The following LRRC42 variants were observed in gnomAD, a reference collection of about 807,000 sequenced individuals.
The protein encoded by LRRC42 is leucine rich repeat containing 42.
A neutral mutation model predicts 44.3 loss-of-function variants in LRRC42; 43 were observed. The observed-to-expected ratio is 0.97, with a 90% CI of 0.76 to 1.25. The LOEUF (loss-of-function observed/expected upper bound fraction) is 1.25, where lower values mean the gene tolerates loss of function less well. Ranked by LOEUF, LRRC42 falls within the 50% of genes most tolerant of loss-of-function variation. The pLI, the probability that LRRC42 is intolerant of heterozygous loss-of-function variation, is 0.00. For synonymous variants in LRRC42, 207 were observed against 195.2 expected, an observed-to-expected ratio of 1.06 and a Z score of -0.50; for missense variants, 540 against 509.1, an observed-to-expected ratio of 1.06 and a Z score of -0.58.
intron 2 of LRRC42, among the ~76,000 whole-genome samples, chr1:53,948,431 G>T (rs1654586184): frequency 6.6e-6 from 1 of 152,198 alleles, no homozygotes. Context: ...ATGTAATACA[G>T]CTGTGTTTCA....
At chr1:53,966,869 A>G (rs1362189714) in intron 8 of LRRC42, among the ~76,000 whole-genome samples, 2 of 152,052 alleles carry the variant, frequency 1.3e-5, no homozygotes, top group African/African-American at 4.8e-5. Context: ...GTTCTTGTAT[A>G]AGGTACCTAG....
intron 2 of LRRC42, 131 bp from the exon 3 acceptor site, chr1:53,951,855 G>A: frequency 1.4e-6 from 1 of 717,868 alleles, no homozygotes; most frequent in Non-Finnish European, 2.2e-6. Flanking sequence ...CAACTGGTGA[G>A]TTTTGCTTTT....
At position 53,967,699 on chromosome 1, in the gene LRRC42, G is replaced by GTGTC; in HGVS notation, c.1048_1051dup (p.Pro351LeufsTer18). 6.2e-7 allele frequency: 1 copy of GTGTC among 1,614,128 alleles called. No homozygotes were observed. Among genetic ancestry groups the GTGTC allele is most frequent in the Non-Finnish European group, 8.5e-7 (1 of 1,180,028 alleles). The stretch of plus-strand genomic sequence containing the variant: ...GGTCTCGAGCAGAAGCCCCACTGAA[G>GTGTC]TGTCCCCTGGCAGACACCCACATGA... On this transcript the variant is annotated frameshift_variant, in exon 9 of 9. Transcript: ENST00000371370. LOFTEE classifies it high-confidence loss of function.
chr1:53,967,871 T>C lies in LRRC42; in HGVS notation c.1219T>C (p.Ser407Pro), dbSNP rs1254963575. ...GTCAGAGACAGAACAGAATAACTCT[T>C]CACAACCTTCAAAGCAGAAATATGT... ...EESETEQNNS[S>P]QPSKQKYVCL... is the part of the protein sequence containing the mutation. The change falls in exon 9 of 9, where the codon TCA (serine) becomes CCA (proline). Residue 407 changes from serine to proline, a missense_variant. Transcript: ENST00000371370. The C allele has an allele frequency of 6.2e-7, 1 of 1,614,170 alleles. No individual in the cohort carries two copies. The highest frequency in any genetic ancestry group is 1.1e-5 in the South Asian group (1 of 91,076).
chr1:53,952,344 T>G lies in LRRC42; in HGVS notation c.345T>G (p.Ala115=), dbSNP rs146430406. ...DSLIGFPEQI[A]EKLFSAAEAR... is the part of the protein sequence containing the mutation. ...TTATTGGCTTTCCTGAGCAGATTGC[T>G]GAAAAGCTGTTCTCTGCTGCTGAAG... Residue 115 remains alanine, a synonymous_variant, in exon 3 of 9, where the codon GCT becomes GCG. Coordinates refer to ENST00000371370, the MANE Select transcript of LRRC42 (RefSeq NM_001256409.2). 7.7e-5 allele frequency: 124 copies of G among 1,614,200 alleles called. 1 individual carries two copies. In the African/African-American group the frequency reaches 1.6e-3, roughly 21 times the overall value.
chr1:53,959,321 G>A (rs1027185476), intron 4 of LRRC42, among the ~76,000 whole-genome samples: 18 of 152,212 alleles, frequency 1.2e-4, no homozygotes, highest in African/African-American at 4.1e-4. Context: ...AAATGGCCCA[G>A]TTCATACCAT....
chr1:53,966,370 T>C lies in LRRC42; in HGVS notation c.1002T>C (p.Ala334=). The part of the protein sequence containing the change: ...PRETSEPRAA[A]QRFYGKRSRA... ...AGACCTCGGAGCCTAGAGCAGCAGC[T>C]CAGCGCTTCTGTGAGAAATTCCCTT... Residue 334 remains alanine (A), a synonymous_variant, in exon 8 of 9, where the codon GCT becomes GCC. Transcript: ENST00000371370. The C allele has an allele frequency of 6.2e-7, 1 of 1,613,240 alleles. No individual in the cohort carries two copies. Among genetic ancestry groups the C allele is most frequent in the East Asian group, 2.2e-5 (1 of 44,876 alleles).
intron 3 of LRRC42, among the ~76,000 whole-genome samples, chr1:53,957,615 G>C (rs1475856022): frequency 2.0e-5 from 3 of 152,174 alleles, no homozygotes; most frequent in Non-Finnish European, 4.4e-5. Context: ...AGTAAAGTTA[G>C]GATAACAGGC....
intron 3 of LRRC42, among the ~76,000 whole-genome samples, chr1:53,957,220 T>C (rs992467150): frequency 6.6e-6 from 1 of 152,192 alleles, no homozygotes; most frequent in Non-Finnish European, 1.5e-5. Flanking sequence ...ACCCCACTGA[T>C]CCTAACACAC....
Position 53,952,164 on chromosome 1 carries a change from T to G in LRRC42, c.165T>G (p.Leu55=). Residue 55 remains leucine (L), a synonymous_variant, in exon 3 of 9, where the codon CTT becomes CTG. Coordinates refer to ENST00000371370, the MANE Select transcript of LRRC42 (RefSeq NM_001256409.2). ...TCCCCAAAGGCTTTTCTGTGGAGCT[T>G]TGCATGAACAGGGAAGACGACACTG... ...RLFPKGFSVE[L]CMNREDDTAR... 6.2e-7 allele frequency: 1 copy of G among 1,614,148 alleles called. No individual in the cohort carries two copies. Among genetic ancestry groups the G allele is most frequent in the Non-Finnish European group, 8.5e-7 (1 of 1,180,008 alleles).
intron 8 of LRRC42, among the ~76,000 whole-genome samples, chr1:53,966,797 G>C (rs1045784537): frequency 1.3e-5 from 2 of 152,240 alleles, no homozygotes; most frequent in South Asian, 4.2e-4. Flanking sequence ...ACATGGATGA[G>C]CCTGCAAGAT....
At chr1:53,951,161 A>G (rs1654667539) in intron 2 of LRRC42, among the ~76,000 whole-genome samples, 1 of 152,244 alleles carries the variant, frequency 6.6e-6, no homozygotes. Flanking sequence ...CAAGCTAGCA[A>G]GGGAGTTATT....
intron 5 of LRRC42, among the ~76,000 whole-genome samples, chr1:53,960,749 T>C (rs1452133196): frequency 6.6e-6 from 1 of 152,210 alleles, no homozygotes; most frequent in East Asian, 1.9e-4. Context: ...TTCATCATAT[T>C]CATTGCATAC....
intron 4 of LRRC42, among the ~76,000 whole-genome samples, chr1:53,958,988 T>C (rs1354827558): frequency 6.6e-6 from 1 of 152,072 alleles, no homozygotes; most frequent in African/African-American, 2.4e-5. Context: ...AGGTTCAAGC[T>C]ATTCTCATGC....
At chr1:53,965,771 G>A (rs1046116933) in intron 7 of LRRC42, among the ~76,000 whole-genome samples, 14 of 151,934 alleles carry the variant, frequency 9.2e-5, no homozygotes, top group African/African-American at 2.7e-4. Context: ...CACCGCGCCC[G>A]GCCACATATT....
At chr1:53,953,684 T>C (rs1654755087) in intron 3 of LRRC42, among the ~76,000 whole-genome samples, 1 of 151,874 alleles carries the variant, frequency 6.6e-6, no homozygotes, top group East Asian at 1.9e-4. Context: ...AAAATAGCTT[T>C]ATTGTATACC....
At chr1:53,957,603 G>C (rs1654875453) in intron 3 of LRRC42, among the ~76,000 whole-genome samples, 1 of 152,144 alleles carries the variant, frequency 6.6e-6, no homozygotes, top group Non-Finnish European at 1.5e-5. Context: ...ACATACTTTT[G>C]GAGTAAAGTT....
At chr1:53,951,581 C>T (rs114570917) in intron 2 of LRRC42, among the ~76,000 whole-genome samples, 2,896 of 152,248 alleles carry the variant, frequency 0.019, 36 homozygotes, top group Non-Finnish European at 0.024. Flanking sequence ...CGCACTACCA[C>T]GCTCGGCTAA....
At chr1:53,959,536 G>A (rs548831363) in intron 4 of LRRC42, among the ~76,000 whole-genome samples, 8 of 152,260 alleles carry the variant, frequency 5.3e-5, no homozygotes, top group Middle Eastern at 6.8e-3. Context: ...CAGCATCAAG[G>A]CTCAGATTTC....
Sources: gnomAD v4.1 joint callset for allele counts (sites outside exome capture counted in the v4.1 genomes callset) on GRCh38, gnomAD v4.1.1 for gene constraint, MANE v1.5 for transcripts, NCBI Gene and HGNC (gene_info 2026-07-23, HGNC 2026-07-21) for gene names.